ARHGAP15: variants seen among roughly 807,000 people sequenced by gnomAD.
ARHGAP15 encodes the protein rho GTPase-activating protein 15.
ARHGAP15 carries 51 observed loss-of-function variants against 63.7 expected under a neutral mutation model. The ratio of observed to expected loss-of-function variants is 0.80; its 90% CI spans 0.64 to 1.01. ARHGAP15 has a LOEUF of 1.01. ARHGAP15 is among the 50% of genes least tolerant of loss of function. ARHGAP15 has a pLI of 0.00. For missense variants in ARHGAP15, 560 were observed against 564.6 expected (o/e 0.99, Z 0.08); for synonymous variants, 191 against 193.8 (o/e 0.99, Z 0.12).
intron 6 of ARHGAP15, among the ~76,000 whole-genome samples, chr2:143,301,192 T>C (rs1458991186): frequency 6.6e-6 from 1 of 151,976 alleles, no homozygotes; most frequent in Admixed American, 6.6e-5. Context: ...TGAAACTTAA[T>C]ATTTGCATTC....
At chr2:143,374,946 G>C (rs1686736279) in intron 6 of ARHGAP15, among the ~76,000 whole-genome samples, 1 of 152,092 alleles carries the variant, frequency 6.6e-6, no homozygotes, top group African/African-American at 2.4e-5. Flanking sequence ...TTATAAAAGG[G>C]AAAATAAATG....
chr2:143,358,190 C>T (rs1685885805), intron 6 of ARHGAP15, among the ~76,000 whole-genome samples: 1 of 152,184 alleles, frequency 6.6e-6, no homozygotes, highest in Non-Finnish European at 1.5e-5. Flanking sequence ...TGTAGTCACA[C>T]TTACCTTCCT....
At chr2:143,436,085 A>G (rs2105091123) in intron 7 of ARHGAP15, among the ~76,000 whole-genome samples, 1 of 152,262 alleles carries the variant, frequency 6.6e-6, no homozygotes, top group Middle Eastern at 3.4e-3. Context: ...AATACCAATA[A>G]ATAAATAATA....
intron 2 of ARHGAP15, among the ~76,000 whole-genome samples, chr2:143,159,097 A>G (rs955603135): frequency 6.6e-6 from 1 of 151,948 alleles, no homozygotes; most frequent in South Asian, 2.1e-4. Flanking sequence ...TAAACGCCAC[A>G]GAACGGCATT....
rs530442255 is a variant in ARHGAP15 at position 143,727,248 on chromosome 2, C to T, written c.1244+23724C>T. 4.6e-5 allele frequency among the ~76,000 whole-genome samples: 7 copies of T among 152,282 alleles called. No homozygotes were observed. In the South Asian group the frequency reaches 1.2e-3, roughly 27 times the overall value. On this transcript the variant is annotated intron_variant, in intron 13 of 13. Coordinates refer to ENST00000295095, the MANE Select transcript of ARHGAP15 (RefSeq NM_018460.4). ...GAAAGTAAAAAGAAAACATTTCTGC[C>T]ATTGGATGTGATGAACAGTACTCAG... is the stretch of plus-strand genomic sequence containing the variant.
intron 8 of ARHGAP15, among the ~76,000 whole-genome samples, chr2:143,445,153 A>ACTTTTTTTTTTTTTTTTTTTTT (rs765945989): frequency 1.3e-5 from 1 of 74,428 alleles, no homozygotes; most frequent in African/African-American, 5.4e-5. Flanking sequence ...AAGAACAATT[A>ACTTTTTTTTTTTTTTTTTTTTT]TTTTTTTTTT....
chr2:143,520,599 G>A (rs577925544), intron 10 of ARHGAP15, among the ~76,000 whole-genome samples: 1 of 152,244 alleles, frequency 6.6e-6, no homozygotes, highest in East Asian at 1.9e-4. Context: ...GTCAATTGGA[G>A]TTTAGAGAAA....
intron 6 of ARHGAP15, among the ~76,000 whole-genome samples, chr2:143,312,581 T>C (rs531351169): frequency 3.9e-5 from 6 of 152,294 alleles, no homozygotes; most frequent in African/African-American, 7.2e-5. Context: ...ATAGTGTATG[T>C]TCTTGCCAAT....
chr2:143,397,996 G>GA (rs1367685791), intron 6 of ARHGAP15, among the ~76,000 whole-genome samples: 4 of 152,104 alleles, frequency 2.6e-5, no homozygotes, highest in African/African-American at 7.2e-5. Context: ...GCCTTGAAAT[G>GA]TTTTCTTTCT....
intron 11 of ARHGAP15, among the ~76,000 whole-genome samples, chr2:143,565,836 T>C (rs1024168016): frequency 1.3e-5 from 2 of 152,196 alleles, no homozygotes; most frequent in Non-Finnish European, 2.9e-5. Flanking sequence ...TAAATAGCAA[T>C]GAAGTCATAC....
At chr2:143,559,578 C>T (rs1695941882) in intron 11 of ARHGAP15, among the ~76,000 whole-genome samples, 1 of 152,178 alleles carries the variant, frequency 6.6e-6, no homozygotes, top group African/African-American at 2.4e-5. Flanking sequence ...TATACCAACC[C>T]CTTTCAAAAT....
intron 13 of ARHGAP15, among the ~76,000 whole-genome samples, chr2:143,728,758 G>A (rs1210454116): frequency 1.3e-5 from 2 of 152,070 alleles, no homozygotes; most frequent in Non-Finnish European, 2.9e-5. Flanking sequence ...CAGGGACCCC[G>A]GTCTAGAGGC....
At chr2:143,570,746 G>A (rs1696414016) in intron 11 of ARHGAP15, among the ~76,000 whole-genome samples, 2 of 152,138 alleles carry the variant, frequency 1.3e-5, no homozygotes, top group Admixed American at 1.3e-4. Context: ...CCAATTTCCT[G>A]CAATTTACAC....
At chr2:143,215,912 A>G (rs1692738349) in intron 3 of ARHGAP15, among the ~76,000 whole-genome samples, 1 of 152,186 alleles carries the variant, frequency 6.6e-6, no homozygotes, top group South Asian at 2.1e-4. Flanking sequence ...AAAATATATG[A>G]AATGTTGCTA....
chr2:143,228,916 G>T (rs138062873), intron 5 of ARHGAP15, among the ~76,000 whole-genome samples: 1 of 152,108 alleles, frequency 6.6e-6, no homozygotes, highest in Non-Finnish European at 1.5e-5. Context: ...GTAGTAATGC[G>T]AAGGTAACAC....
chr2:143,276,548 A>G (rs1681561862), intron 6 of ARHGAP15, among the ~76,000 whole-genome samples: 1 of 152,156 alleles, frequency 6.6e-6, no homozygotes, highest in South Asian at 2.1e-4. Flanking sequence ...TTTTTTGTTA[A>G]CTGGCATTTT....
chr2:143,763,283 C>T (rs1175321361), intron 13 of ARHGAP15, among the ~76,000 whole-genome samples: 1 of 151,994 alleles, frequency 6.6e-6, no homozygotes, highest in African/African-American at 2.4e-5. Flanking sequence ...CTAAATCAAC[C>T]ACTTAACTAT....
intron 6 of ARHGAP15, among the ~76,000 whole-genome samples, chr2:143,251,165 T>G (rs1427684663): frequency 1.3e-5 from 2 of 151,916 alleles, no homozygotes; most frequent in Admixed American, 6.6e-5. Context: ...TTGAGAGAGA[T>G]AAAATTGGAA....
intron 4 of ARHGAP15, among the ~76,000 whole-genome samples, chr2:143,220,184 T>C (rs1692931758): frequency 6.6e-6 from 1 of 152,148 alleles, no homozygotes; most frequent in African/African-American, 2.4e-5. Flanking sequence ...GAAGTTATCA[T>C]TGCAATATTT....
Sources: gnomAD v4.1 joint callset for allele counts (sites outside exome capture counted in the v4.1 genomes callset) on GRCh38, gnomAD v4.1.1 for gene constraint, MANE v1.5 for transcripts, NCBI Gene and HGNC (gene_info 2026-07-23, HGNC 2026-07-21) for gene names.